Variants in CFAP299 observed in about 807,000 individuals in gnomAD.
CFAP299 encodes cilia and flagella associated protein 299.
A neutral mutation model predicts 27.0 loss-of-function variants in CFAP299; 21 were observed. The ratio of observed to expected loss-of-function variants is 0.78; its 90% CI spans 0.55 to 1.12. CFAP299 has a LOEUF of 1.12. Ranked by LOEUF, CFAP299 falls within the 50% of genes most tolerant of loss-of-function variation. The pLI, the probability that CFAP299 is intolerant of heterozygous loss-of-function variation, is 0.00. For missense variants in CFAP299, 310 were observed against 276.6 expected, an observed-to-expected ratio of 1.12 and a Z score of -0.86; for synonymous variants, 104 against 98.1, an observed-to-expected ratio of 1.06 and a Z score of -0.36.
At chr4:80,438,648 A>T (rs561229500) in intron 2 of CFAP299, among the ~76,000 whole-genome samples, 14 of 152,206 alleles carry the variant, frequency 9.2e-5, no homozygotes, top group Non-Finnish European at 1.9e-4. Flanking sequence ...TCCATTTAAC[A>T]AGCTGATTTA....
intron 4 of CFAP299, among the ~76,000 whole-genome samples, chr4:80,919,312 C>T (rs936386294): frequency 1.3e-5 from 2 of 152,020 alleles, no homozygotes; most frequent in African/African-American, 2.4e-5. Flanking sequence ...CTTTAATAGC[C>T]ACGTTGAATT....
At chr4:80,839,747 G>GAT (rs1219911451) in intron 3 of CFAP299, among the ~76,000 whole-genome samples, 1 of 150,488 alleles carries the variant, frequency 6.6e-6, no homozygotes, top group Non-Finnish European at 1.5e-5. Context: ...AAAAAAAAAA[G>GAT]ATACTCTTTG....
intron 2 of CFAP299, chr4:80,387,369 T>C: frequency 7.6e-7 from 1 of 1,314,510 alleles, no homozygotes; most frequent in Non-Finnish European, 1.1e-6. Context: ...TTATGCTGGG[T>C]CATGTGAGAC....
intron 4 of CFAP299, among the ~76,000 whole-genome samples, chr4:80,920,942 T>C (rs1410472063): frequency 6.6e-6 from 1 of 152,178 alleles, no homozygotes; most frequent in Admixed American, 6.6e-5. Context: ...CACACATTCC[T>C]TCTTTTAACC....
intron 3 of CFAP299, among the ~76,000 whole-genome samples, chr4:80,583,909 G>GA (rs1045864589): frequency 3.3e-5 from 5 of 151,812 alleles, no homozygotes; most frequent in Non-Finnish European, 7.4e-5. Context: ...TAGAGCAACA[G>GA]AAAAATATGT....
chr4:80,857,742 C>T (rs1298426117), intron 3 of CFAP299, among the ~76,000 whole-genome samples: 1 of 152,142 alleles, frequency 6.6e-6, no homozygotes, highest in Non-Finnish European at 1.5e-5. Flanking sequence ...AGCCTTGCAC[C>T]CCAGGGATGA....
chr4:80,626,188 G>T (rs1323166049), intron 3 of CFAP299, among the ~76,000 whole-genome samples: 3 of 151,918 alleles, frequency 2.0e-5, no homozygotes, highest in African/African-American at 7.2e-5. Flanking sequence ...ATCATATCAA[G>T]TAGCTATTCT....
chr4:80,580,755 G>T (rs1189024408), intron 2 of CFAP299, among the ~76,000 whole-genome samples: 1 of 151,920 alleles, frequency 6.6e-6, no homozygotes, highest in East Asian at 1.9e-4. Context: ...TTCCTAGACA[G>T]GATTGTATTT....
intron 3 of CFAP299, among the ~76,000 whole-genome samples, chr4:80,863,131 T>C (rs945442693): frequency 1.3e-5 from 2 of 151,848 alleles, no homozygotes; most frequent in African/African-American, 2.4e-5. Context: ...GAACTTAGCT[T>C]TGTTTGACAG....
At chr4:80,335,911 C>CG in intron 1 of CFAP299, 32 bp downstream of exon 1, 1 of 1,359,616 alleles carries the variant, frequency 7.4e-7, no homozygotes, top group Non-Finnish European at 1.1e-6. Flanking sequence ...GTAGCCGCCG[C>CG]CGCGCGTCCC....
chr4:80,563,514 C>A (rs1231604262), intron 2 of CFAP299, among the ~76,000 whole-genome samples: 2 of 151,904 alleles, frequency 1.3e-5, no homozygotes, highest in African/African-American at 4.8e-5. Context: ...TATGGAAACA[C>A]AACATATCAA....
At chr4:80,383,653 G>A (rs1026154844) in intron 2 of CFAP299, among the ~76,000 whole-genome samples, 3 of 152,016 alleles carry the variant, frequency 2.0e-5, no homozygotes, top group African/African-American at 7.2e-5. Flanking sequence ...CAATAGTCTT[G>A]GATTGCCCTC....
At chr4:80,850,395 G>T (rs1242291692) in intron 3 of CFAP299, among the ~76,000 whole-genome samples, 1 of 151,886 alleles carries the variant, frequency 6.6e-6, no homozygotes. Context: ...GTTAAAGAAG[G>T]TTCATTTGAG....
chr4:80,675,612 T>C (rs1046624012), intron 3 of CFAP299, among the ~76,000 whole-genome samples: 1 of 152,218 alleles, frequency 6.6e-6, no homozygotes, highest in Non-Finnish European at 1.5e-5. Context: ...AAGTTTCTGC[T>C]GCCTTTTGTT....
chr4:80,606,537 TA>T (rs1242152663), intron 3 of CFAP299, among the ~76,000 whole-genome samples: 1 of 151,598 alleles, frequency 6.6e-6, no homozygotes, highest in Non-Finnish European at 1.5e-5. Flanking sequence ...TCTGTTTTTT[TA>T]AAAAAAAGAT....
At chr4:80,531,502 T>A (rs981043630) in intron 2 of CFAP299, among the ~76,000 whole-genome samples, 25 of 152,176 alleles carry the variant, frequency 1.6e-4, no homozygotes, top group Non-Finnish European at 3.4e-4. Context: ...AATTTTCAAT[T>A]TGCAATTATA....
At chr4:80,331,220 C>G (rs563692558), upstream of CFAP299, among the ~76,000 whole-genome samples, 195 of 152,248 alleles carry the variant, frequency 1.3e-3, no homozygotes, top group Non-Finnish European at 3.8e-4. Context: ...TGAAAAAAGT[C>G]TGGTGTGGCT....
intron 3 of CFAP299, among the ~76,000 whole-genome samples, chr4:80,626,180 C>G (rs921214185): frequency 6.6e-6 from 1 of 151,920 alleles, no homozygotes. Context: ...AGGTTGAAAT[C>G]ATATCAAGTA....
chr4:80,960,270 T>G (rs1738279846), intron 5 of CFAP299, among the ~76,000 whole-genome samples: 1 of 151,882 alleles, frequency 6.6e-6, no homozygotes, highest in South Asian at 2.1e-4. Flanking sequence ...TTTCCAAAAT[T>G]TACTCTTCAT....
Sources: allele counts gnomAD v4.1 joint callset (sites outside exome capture counted in the v4.1 genomes callset), GRCh38; gene constraint gnomAD v4.1.1; transcripts MANE v1.5; gene names NCBI Gene and HGNC (gene_info 2026-07-23, HGNC 2026-07-21).